The following GALNT13 variants were observed in gnomAD, a reference collection of about 807,000 sequenced individuals.
The protein encoded by GALNT13 is polypeptide N-acetylgalactosaminyltransferase 13.
Under a neutral mutation model 64.2 loss-of-function variants are expected in GALNT13, and 28 were observed. The observed-to-expected ratio is 0.44, with a 90% CI of 0.32 to 0.60. GALNT13 has a LOEUF of 0.60. Ranked by LOEUF, GALNT13 falls within the 20% of genes least tolerant of loss-of-function variation. GALNT13 has a pLI of 0.05. For missense variants in GALNT13, 577 were observed against 669.8 expected (o/e 0.86, Z 1.53); for synonymous variants, 214 against 224.6 (o/e 0.95, Z 0.42).
chr2:153,666,552 G>A, the GALNT13 span, among the ~76,000 whole-genome samples: 177 of 152,324 alleles, frequency 1.2e-3, no homozygotes, highest in African/African-American at 4.1e-3. Context: ...AGAGTGCTGA[G>A]CTGAGCCTTG....
At chr2:153,935,601 G>A (rs961382424) in intron 2 of GALNT13, among the ~76,000 whole-genome samples, 7 of 152,184 alleles carry the variant, frequency 4.6e-5, no homozygotes, top group African/African-American at 1.7e-4. Context: ...GTATCTTTTT[G>A]GGAGCAGCCA....
At chr2:154,072,046 A>C (rs1339694690) in intron 3 of GALNT13, among the ~76,000 whole-genome samples, 2 of 152,124 alleles carry the variant, frequency 1.3e-5, no homozygotes, top group South Asian at 4.1e-4. Flanking sequence ...AGGAAGAGGA[A>C]ATTTGCTGAG....
the GALNT13 span, among the ~76,000 whole-genome samples, chr2:153,124,049 A>T: frequency 6.6e-6 from 1 of 152,142 alleles, no homozygotes; most frequent in Admixed American, 6.5e-5. Flanking sequence ...TGCTCTGATA[A>T]ATCAAGCTGC....
At chr2:153,377,194 C>G in the GALNT13 span, among the ~76,000 whole-genome samples, 1 of 152,136 alleles carries the variant, frequency 6.6e-6, no homozygotes, top group African/African-American at 2.4e-5. Context: ...GGATGGTTAT[C>G]TGTAAGACAA....
intron 9 of GALNT13, among the ~76,000 whole-genome samples, chr2:154,390,328 G>A (rs1037872474): frequency 2.0e-5 from 3 of 152,066 alleles, no homozygotes; most frequent in Non-Finnish European, 2.9e-5. Context: ...TATCACCTGG[G>A]TATTAACCCT....
At chr2:153,726,902 T>A in the GALNT13 span, among the ~76,000 whole-genome samples, 82 of 140,834 alleles carry the variant, frequency 5.8e-4, no homozygotes, top group Non-Finnish European at 1.1e-3. Context: ...ATTGTGCCAC[T>A]GCACTCCAGC....
intron 9 of GALNT13, among the ~76,000 whole-genome samples, chr2:154,321,953 G>A (rs760539307): frequency 6.6e-6 from 1 of 151,818 alleles, no homozygotes; most frequent in Admixed American, 6.6e-5. Flanking sequence ...CTGAAAATCT[G>A]ATAAAGTCTG....
At chr2:153,367,858 A>T in the GALNT13 span, among the ~76,000 whole-genome samples, 4 of 152,254 alleles carry the variant, frequency 2.6e-5, no homozygotes, top group Admixed American at 2.6e-4. Context: ...ATCATTAAAA[A>T]TTCTCAATTA....
At chr2:153,111,653 C>T in the GALNT13 span, among the ~76,000 whole-genome samples, 3 of 151,956 alleles carry the variant, frequency 2.0e-5, no homozygotes, top group Admixed American at 2.0e-4. Flanking sequence ...AACTTTCTCA[C>T]AGTTCATATG....
At chr2:153,503,897 T>C in the GALNT13 span, among the ~76,000 whole-genome samples, 1 of 151,804 alleles carries the variant, frequency 6.6e-6, no homozygotes, top group African/African-American at 2.4e-5. Context: ...AATTCTAGGA[T>C]TTTTTTTTCT....
At chr2:154,106,906 G>T (rs1702649187) in intron 3 of GALNT13, among the ~76,000 whole-genome samples, 1 of 152,122 alleles carries the variant, frequency 6.6e-6, no homozygotes, top group Non-Finnish European at 1.5e-5. Flanking sequence ...TTTAGGTGAG[G>T]ACTAATGGAA....
intron 9 of GALNT13, among the ~76,000 whole-genome samples, chr2:154,367,702 C>G (rs916386136): frequency 6.6e-6 from 1 of 152,096 alleles, no homozygotes; most frequent in Non-Finnish European, 1.5e-5. Flanking sequence ...GATCTAGAAG[C>G]TATTCTTATA....
the GALNT13 span, among the ~76,000 whole-genome samples, chr2:153,084,673 C>G: frequency 6.6e-6 from 1 of 152,204 alleles, no homozygotes; most frequent in African/African-American, 2.4e-5. Context: ...TTGTCTACCA[C>G]CTTGTAAGAC....
chr2:153,800,818 T>G, the GALNT13 span, among the ~76,000 whole-genome samples: 1 of 152,178 alleles, frequency 6.6e-6, no homozygotes, highest in Non-Finnish European at 1.5e-5. Context: ...TGCAGTTACT[T>G]CCTCCACTGA....
chr2:154,278,993 A>C lies in GALNT13; in HGVS notation c.975+19855A>C, dbSNP rs559110488. ...AATATCTAAAAATGAATAAGGAACT[A>C]GTTTTAAATATGCGGTGATATCTAA... On this transcript the variant is annotated intron_variant, in intron 8 of 12. Coordinates refer to ENST00000392825, the MANE Select transcript of GALNT13 (RefSeq NM_052917.4). Among the ~76,000 whole-genome samples the C allele has an allele frequency of 4.6e-5, 7 of 152,304 alleles. No individual in the cohort carries two copies. In the South Asian group the frequency reaches 1.5e-3, roughly 32 times the overall value.
chr2:153,306,861 C>T, the GALNT13 span, among the ~76,000 whole-genome samples: 9 of 152,144 alleles, frequency 5.9e-5, no homozygotes, highest in Non-Finnish European at 1.2e-4. Flanking sequence ...CTCAGCCTCC[C>T]AGGTAGCTGG....
the GALNT13 span, among the ~76,000 whole-genome samples, chr2:153,655,949 A>G: frequency 2.0e-5 from 3 of 152,146 alleles, no homozygotes; most frequent in Non-Finnish European, 2.9e-5. Flanking sequence ...TAAGTCCTTT[A>G]ATAGGTATAA....
At chr2:153,269,674 A>T in the GALNT13 span, among the ~76,000 whole-genome samples, 1 of 152,114 alleles carries the variant, frequency 6.6e-6, no homozygotes. Context: ...TCGTTTTCAC[A>T]CTGCTATTAA....
intron 4 of GALNT13, among the ~76,000 whole-genome samples, chr2:154,204,696 C>T (rs901043099): frequency 1.3e-5 from 2 of 152,134 alleles, no homozygotes. Context: ...AATTTATTCT[C>T]CATCTGTATT....
Sources: allele counts gnomAD v4.1 joint callset (sites outside exome capture counted in the v4.1 genomes callset), GRCh38; gene constraint gnomAD v4.1.1; transcripts MANE v1.5; gene names NCBI Gene and HGNC (gene_info 2026-07-23, HGNC 2026-07-21).